Variants in MAP2K1 observed in about 807,000 individuals in gnomAD.
The protein encoded by MAP2K1 is mitogen-activated protein kinase kinase 1, also known as dual specificity mitogen-activated protein kinase kinase 1.
In MAP2K1, 16 loss-of-function variants were observed where a neutral mutation model predicts 46.3. The ratio of observed to expected loss-of-function variants is 0.35; its 90% CI spans 0.23 to 0.52. MAP2K1 has a LOEUF of 0.52. Among genes scored for constraint, MAP2K1 ranks in the 20% least tolerant of loss-of-function variants. MAP2K1 has a pLI of 0.94. For synonymous variants in MAP2K1, 183 were observed against 185.6 expected, an observed-to-expected ratio of 0.99 and a Z score of 0.11; for missense variants, 263 against 497.1, an observed-to-expected ratio of 0.53 and a Z score of 4.48.
At chr15:66,459,838 T>G (rs1595873955) in intron 5 of MAP2K1, among the ~76,000 whole-genome samples, 1 of 150,858 alleles carries the variant, frequency 6.6e-6, no homozygotes, top group Non-Finnish European at 1.5e-5. Context: ...ATAAGCTGTT[T>G]GTAGCAGACT....
At chr15:66,465,979 A>G (rs1892454924) in intron 5 of MAP2K1, among the ~76,000 whole-genome samples, 2 of 152,218 alleles carry the variant, frequency 1.3e-5, no homozygotes, top group African/African-American at 4.8e-5. Context: ...ACCATCAAAT[A>G]CATACAAGTT....
Position 66,409,319 on chromosome 15 carries a change from C to G in MAP2K1, c.80+21892C>G, listed in dbSNP as rs561093420. 3.3e-5 allele frequency among the ~76,000 whole-genome samples: 5 copies of G among 152,274 alleles called. No homozygotes were observed. In the South Asian group the frequency reaches 1.0e-3, roughly 32 times the overall value. On this transcript the variant is annotated intron_variant, in intron 1 of 10. Coordinates refer to ENST00000307102, the MANE Select transcript of MAP2K1 (RefSeq NM_002755.4). ...GGAGGAAACATTTGGGGAGCATATA[C>G]TGGTGAGAACATCTTCCCTATTCTG...
intron 5 of MAP2K1, chr15:66,446,835 G>A (rs925488947): frequency 2.6e-5 from 6 of 228,276 alleles, no homozygotes; most frequent in East Asian, 1.1e-4. Context: ...CCAAGATGGC[G>A]GGAAGTGCAA....
Position 66,436,613 on chromosome 15 carries a change from A to C in MAP2K1, c.292-133A>C, listed in dbSNP as rs11637556. Reference sequence around the variant, plus strand: ...ACACTCATTTCTTGGTTGAGCAGAAACTTGTTTGTAACAACTTAACCTGTT... The same window carrying C: ...ACACTCATTTCTTGGTTGAGCAGAACCTTGTTTGTAACAACTTAACCTGTT... On this transcript the variant is annotated intron_variant, in intron 2 of 10. Transcript: ENST00000307102. The C allele has an allele frequency of 0.24, 211,635 of 876,710 alleles. 28,184 individuals are homozygous for C. The highest frequency in any genetic ancestry group is 0.33 in the South Asian group (24,396 of 73,114). The allele number at this position is 876,710 out of a possible 1,614,324, so 54.3% of individuals were successfully genotyped here.
chr15:66,434,175 G>T (rs976192523), intron 1 of MAP2K1, among the ~76,000 whole-genome samples: 2 of 152,184 alleles, frequency 1.3e-5, no homozygotes, highest in Admixed American at 6.5e-5. Flanking sequence ...GCTGTGGAAA[G>T]ACTTATAAGT....
chr15:66,469,501 T>G (rs1414228646), intron 5 of MAP2K1, among the ~76,000 whole-genome samples: 24 of 139,090 alleles, frequency 1.7e-4, no homozygotes, highest in African/African-American at 5.7e-4. Context: ...TTTTTTTTTG[T>G]TGAGGAACTC....
rs2140667881 is a variant in MAP2K1 at position 66,481,826 on chromosome 15, C to T, written c.640C>T (p.Gln214Ter). The T allele has an allele frequency of 1.2e-6, 2 of 1,614,006 alleles. No homozygotes were observed. Among genetic ancestry groups the T allele is most frequent in the Non-Finnish European group, 1.7e-6 (2 of 1,179,982 alleles). ...GCTCTGTGACTTTGGGGTCAGCGGG[C>T]AGCTCATCGACTCCATGGCCAACTC... ...IKLCDFGVSGQLIDSMANSFV... is the reference protein window; with the variant it reads ...IKLCDFGVSG The change falls in exon 6 of 11, where the codon CAG becomes TAG. Residue 214 changes from glutamine to a stop codon, truncating the protein, a stop_gained. Transcript: ENST00000307102. LOFTEE classifies it high-confidence loss of function.
intron 5 of MAP2K1, among the ~76,000 whole-genome samples, chr15:66,456,045 G>A (rs1030534471): frequency 5.9e-5 from 9 of 152,096 alleles, no homozygotes; most frequent in East Asian, 5.8e-4. Context: ...GTAGGTACAG[G>A]TATATGCTCC....
intron 5 of MAP2K1, among the ~76,000 whole-genome samples, chr15:66,459,738 T>TA (rs1286979855): frequency 6.6e-6 from 1 of 152,214 alleles, no homozygotes; most frequent in East Asian, 1.9e-4. Context: ...TGGTCAGGAT[T>TA]ACAACCTCTA....
intron 5 of MAP2K1, among the ~76,000 whole-genome samples, chr15:66,458,181 A>G (rs1430487676): frequency 1.3e-5 from 2 of 152,086 alleles, no homozygotes; most frequent in African/African-American, 2.4e-5. Context: ...AAAGGGTTGG[A>G]GGTGAAGAGG....
intron 1 of MAP2K1, among the ~76,000 whole-genome samples, chr15:66,398,702 G>A (rs151153660): frequency 7.0e-4 from 106 of 151,960 alleles, no homozygotes; most frequent in African/African-American, 2.4e-3. Context: ...ATTGTGTACC[G>A]GATCAAAAAA....
chr15:66,456,597 C>T (rs546241821), intron 5 of MAP2K1, among the ~76,000 whole-genome samples: 7 of 152,318 alleles, frequency 4.6e-5, no homozygotes, highest in African/African-American at 1.4e-4. Flanking sequence ...TTAGTGCTCC[C>T]TATCCCAGAG....
At chr15:66,429,676 C>CTG (rs1374994821) in intron 1 of MAP2K1, among the ~76,000 whole-genome samples, 1 of 24,944 alleles carries the variant, frequency 4.0e-5, no homozygotes, top group Non-Finnish European at 1.4e-4. Context: ...CCCCCCCCCC[C>CTG]CCGTCCCCCC....
chr15:66,428,798 T>TTTA (rs1475952855), intron 1 of MAP2K1, among the ~76,000 whole-genome samples: 16 of 143,348 alleles, frequency 1.1e-4, no homozygotes, highest in Non-Finnish European at 1.2e-4. Context: ...TTTTTTTTTT[T>TTTA]TGAGACAGGG....
At chr15:66,411,898 C>A (rs1452385788) in intron 1 of MAP2K1, among the ~76,000 whole-genome samples, 1 of 152,198 alleles carries the variant, frequency 6.6e-6, no homozygotes, top group East Asian at 1.9e-4. Flanking sequence ...GAGTGTGCTT[C>A]CATTTAAGGC....
chr15:66,427,727 C>T (rs558659523), intron 1 of MAP2K1, among the ~76,000 whole-genome samples: 1 of 151,760 alleles, frequency 6.6e-6, no homozygotes, highest in South Asian at 2.1e-4. Flanking sequence ...TTTTAAGAAA[C>T]CTCTCTGGCC....
At chr15:66,463,196 C>T (rs1039343766) in intron 5 of MAP2K1, among the ~76,000 whole-genome samples, 1 of 152,164 alleles carries the variant, frequency 6.6e-6, no homozygotes, top group Non-Finnish European at 1.5e-5. Context: ...AGGAAGCCCT[C>T]CTTTCTCCCT....
intron 3 of MAP2K1, among the ~76,000 whole-genome samples, chr15:66,442,495 G>A (rs549923345): frequency 2.0e-5 from 3 of 152,220 alleles, no homozygotes; most frequent in Admixed American, 2.0e-4. Context: ...AGTGAAGTCA[G>A]AATTACTTCT....
In MAP2K1 at chr15:66,403,515, G is replaced by C. The variant is rs998562793; in HGVS notation, c.80+16088G>C. Among the ~76,000 whole-genome samples, 36 of 152,164 alleles carry C rather than the reference G, an allele frequency of 2.4e-4. 1 individual carries two copies. The highest frequency in any genetic ancestry group is 8.7e-4 in the African/African-American group (36 of 41,528). ...CCGCAGACGAAAGTCCCCTTGAAATGGATGCCTTTCTGGAATTGACCTATT... is the reference window on the plus strand; with the variant it reads ...CCGCAGACGAAAGTCCCCTTGAAATCGATGCCTTTCTGGAATTGACCTATT... On this transcript the variant is annotated intron_variant, in intron 1 of 10. Coordinates refer to ENST00000307102, the MANE Select transcript of MAP2K1 (RefSeq NM_002755.4).
Sources: gnomAD v4.1 joint callset for allele counts (sites outside exome capture counted in the v4.1 genomes callset) on GRCh38, gnomAD v4.1.1 for gene constraint, MANE v1.5 for transcripts, NCBI Gene and HGNC (gene_info 2026-07-23, HGNC 2026-07-21) for gene names.